The following SPIDR variants were observed in gnomAD, a reference collection of about 807,000 sequenced individuals.
The protein encoded by SPIDR is DNA repair-scaffolding protein.
In SPIDR, 93 loss-of-function variants were observed where a neutral mutation model predicts 104.6. The observed-to-expected ratio is 0.89, with a 90% CI of 0.75 to 1.06. The LOEUF is 1.06. SPIDR is among the 50% of genes least tolerant of loss of function. The pLI, the probability that SPIDR is intolerant of heterozygous loss-of-function variation, is 0.00. For missense variants in SPIDR, 1,154 were observed against 1,111.2 expected, an observed-to-expected ratio of 1.04 and a Z score of -0.55; for synonymous variants, 431 against 416.9, an observed-to-expected ratio of 1.03 and a Z score of -0.41.
At chr8:47,366,035 A>G (rs886122197) in intron 5 of SPIDR, among the ~76,000 whole-genome samples, 1 of 152,142 alleles carries the variant, frequency 6.6e-6, no homozygotes. Flanking sequence ...GAAAGGTAAA[A>G]TGTACCTATT....
At chr8:47,530,482 A>G (rs79371402) in intron 8 of SPIDR, among the ~76,000 whole-genome samples, 1 of 149,776 alleles carries the variant, frequency 6.7e-6, no homozygotes, top group Admixed American at 6.7e-5. Context: ...ATGGTGTCAG[A>G]AAAAAAAAAT....
At chr8:47,512,623 G>T (rs2082521687) in intron 8 of SPIDR, among the ~76,000 whole-genome samples, 1 of 152,216 alleles carries the variant, frequency 6.6e-6, no homozygotes, top group Admixed American at 6.5e-5. Context: ...GAGGTGGAAT[G>T]TGGCGCTGAC....
intron 10 of SPIDR, among the ~76,000 whole-genome samples, chr8:47,622,021 G>A (rs903526558): frequency 9.9e-5 from 15 of 152,138 alleles, no homozygotes; most frequent in Non-Finnish European, 2.1e-4. Flanking sequence ...GAGGGCTTGA[G>A]AATTATCTTA....
intron 8 of SPIDR, among the ~76,000 whole-genome samples, chr8:47,462,558 G>A (rs782382547): frequency 2.6e-5 from 4 of 152,096 alleles, no homozygotes; most frequent in African/African-American, 4.8e-5. Context: ...TAAAACTTAC[G>A]GGATGACATG....
intron 8 of SPIDR, among the ~76,000 whole-genome samples, chr8:47,467,727 A>G (rs781992269): frequency 7.2e-5 from 11 of 152,212 alleles, no homozygotes; most frequent in Non-Finnish European, 1.5e-4. Flanking sequence ...AGAGCCATGT[A>G]TAAAAAACCC....
chr8:47,612,195 T>C (rs1353664336), intron 10 of SPIDR, among the ~76,000 whole-genome samples: 1 of 152,224 alleles, frequency 6.6e-6, no homozygotes, highest in Admixed American at 6.5e-5. Flanking sequence ...ATCAGACTTT[T>C]GGAAAACTTC....
rs554738300 is a variant in SPIDR, at chr8:47,603,559, A to ATT, written c.1544+4380_1544+4381dup. On this transcript the variant is annotated intron_variant, in intron 10 of 19. Transcript: ENST00000297423. Reference sequence around the variant, plus strand: ...AGGCACGTGCCACCATACCCAGCTAATTTTTTTTTTTTTTTTTTGGTAGAG... The same window carrying ATT: ...AGGCACGTGCCACCATACCCAGCTAATTTTTTTTTTTTTTTTTTTTGGTAGAG... Among the ~76,000 whole-genome samples the ATT allele has an allele frequency of 4.0e-4, 54 of 133,558 alleles. No homozygotes were observed. In the East Asian group the frequency reaches 6.0e-3, roughly 15 times the overall value. 87.6% of individuals were successfully genotyped at this position (133,558 alleles called of 152,430 possible).
chr8:47,440,273 C>A (rs782806132), intron 7 of SPIDR, 50 bp from the exon 8 acceptor site: 2 of 1,507,428 alleles, frequency 1.3e-6, no homozygotes, highest in South Asian at 1.1e-5. Context: ...ACGCTTGAAC[C>A]ATCTGTCTTT....
intron 8 of SPIDR, among the ~76,000 whole-genome samples, chr8:47,500,349 A>G (rs983878205): frequency 9.8e-5 from 15 of 152,324 alleles, no homozygotes; most frequent in African/African-American, 3.1e-4. Context: ...CTGGTGTAAG[A>G]TGGTATCTCA....
At position 47,468,673 on chromosome 8, in the gene SPIDR, CT is replaced by C. The variant is rs1260926010; in HGVS notation, c.1097+28134del. On this transcript the variant is annotated intron_variant, in intron 8 of 19. Coordinates refer to ENST00000297423, the MANE Select transcript of SPIDR (RefSeq NM_001080394.4). ...CATGCAGAAGATTGAGCCTTGGACC[CT>C]TTGCTTATATAAAAATAACTCAAGA... 2.0e-5 allele frequency among the ~76,000 whole-genome samples: 3 copies of C among 152,136 alleles called. No individual in the cohort carries two copies. In the East Asian group the frequency reaches 5.8e-4, roughly 29 times the overall value.
In SPIDR at chr8:47,695,660, C is replaced by T. The variant is rs138391196; in HGVS notation, c.1686-4743C>T. Among the ~76,000 whole-genome samples the T allele has an allele frequency of 7.9e-5, 12 of 152,282 alleles. 1 individual carries two copies. In the East Asian group the frequency reaches 2.1e-3, roughly 27 times the overall value. On this transcript the variant is annotated intron_variant, in intron 11 of 19. Transcript: ENST00000297423. ...AAGCTGGTAATATCAGCTAATGTTCCGGTGTGCAAAGAAGACTTTCCATGT... is the reference window on the plus strand; with the variant it reads ...AAGCTGGTAATATCAGCTAATGTTCTGGTGTGCAAAGAAGACTTTCCATGT...
intron 14 of SPIDR, among the ~76,000 whole-genome samples, chr8:47,708,300 A>G (rs993472185): frequency 3.3e-5 from 5 of 152,256 alleles, no homozygotes; most frequent in Non-Finnish European, 7.3e-5. Context: ...CTCCGTCTCA[A>G]AAACAAACAA....
At chr8:47,548,182 T>C (rs1352343954) in intron 8 of SPIDR, among the ~76,000 whole-genome samples, 1 of 152,192 alleles carries the variant, frequency 6.6e-6, no homozygotes, top group Non-Finnish European at 1.5e-5. Context: ...AAAAAGTAGC[T>C]TTTGCCTTAA....
intron 6 of SPIDR, among the ~76,000 whole-genome samples, chr8:47,405,706 T>G (rs542794590): frequency 6.6e-6 from 1 of 152,226 alleles, no homozygotes; most frequent in African/African-American, 2.4e-5. Flanking sequence ...TTGGCCTTTA[T>G]AAATAACTTA....
In SPIDR at chr8:47,509,635, G is replaced by A. The variant is rs1287964993; in HGVS notation, c.1097+69093G>A. 2.6e-5 allele frequency among the ~76,000 whole-genome samples: 4 copies of A among 152,086 alleles called. No individual in the cohort carries two copies. The East Asian group carries it at 5.8e-4, about 22-fold the overall frequency. On this transcript the variant is annotated intron_variant, in intron 8 of 19. Transcript: ENST00000297423. ...AAAAAGCAAGTCGCATAACTTTTCA[G>A]CCTACTTTCACATTTATTTTCTTAC...
chr8:47,387,855 A>G (rs7015593), intron 5 of SPIDR, among the ~76,000 whole-genome samples: 3,700 of 152,258 alleles, frequency 0.024, 137 homozygotes, highest in African/African-American at 0.083. Flanking sequence ...GGAAATCTTC[A>G]AAAGCTTTCT....
chr8:47,570,279 A>G (rs543926806), intron 8 of SPIDR, among the ~76,000 whole-genome samples: 1 of 152,324 alleles, frequency 6.6e-6, no homozygotes, highest in Admixed American at 6.5e-5. Context: ...TGGTCAGTTG[A>G]TTTTCAACAA....
chr8:47,585,136 T>G (rs997487265), intron 8 of SPIDR, among the ~76,000 whole-genome samples: 3 of 152,222 alleles, frequency 2.0e-5, no homozygotes, highest in Admixed American at 6.5e-5. Context: ...TATGCCTCCG[T>G]GTTAGGCAAG....
chr8:47,592,280 G>T, intron 8 of SPIDR: 1 of 1,159,478 alleles, frequency 8.6e-7, no homozygotes, highest in Non-Finnish European at 1.3e-6. Flanking sequence ...CAAGGCCTGG[G>T]TTGATAGCAG....
Sources: gnomAD v4.1 joint callset for allele counts (sites outside exome capture counted in the v4.1 genomes callset) on GRCh38, gnomAD v4.1.1 for gene constraint, MANE v1.5 for transcripts, NCBI Gene and HGNC (gene_info 2026-07-23, HGNC 2026-07-21) for gene names.